The following LRRIQ3 variants were observed in gnomAD, a reference collection of about 807,000 sequenced individuals.
LRRIQ3 encodes the protein leucine-rich repeat and IQ domain-containing protein 3.
In LRRIQ3, 75 loss-of-function variants were observed where a neutral mutation model predicts 59.3. The observed-to-expected ratio is 1.26, with a 90% CI of 1.05 to 1.53. The LOEUF is 1.53. Among genes scored for constraint, LRRIQ3 ranks in the 40% most tolerant of loss-of-function variants. The pLI is 0.00. For missense variants in LRRIQ3, 831 were observed against 710.0 expected, an observed-to-expected ratio of 1.17 and a Z score of -1.94; for synonymous variants, 250 against 231.3, an observed-to-expected ratio of 1.08 and a Z score of -0.73.
Position 74,058,244 on chromosome 1 carries a change from A to T in LRRIQ3, c.998-16311T>A, listed in dbSNP as rs547956140. ...TGGGTGTTCATCCAAAGGAAATGAA[A>T]TTAGTATTCAGAGACATCTGAACTC... On this transcript the variant is annotated intron_variant, in intron 6 of 7. Coordinates refer to ENST00000354431, the MANE Select transcript of LRRIQ3 (RefSeq NM_001105659.2). Among the ~76,000 whole-genome samples, 3 of 152,224 alleles carry T rather than the reference A, an allele frequency of 2.0e-5. No homozygotes were observed. The South Asian group carries it at 6.2e-4, about 32-fold the overall frequency.
chr1:74,197,145 T>G (rs1651229308), intron 1 of LRRIQ3, among the ~76,000 whole-genome samples: 1 of 152,234 alleles, frequency 6.6e-6, no homozygotes, highest in Non-Finnish European at 1.5e-5. Flanking sequence ...ATCTGCCATT[T>G]TATCCAAATG....
At chr1:74,071,030 T>TACAC (rs1443067887) in intron 6 of LRRIQ3, among the ~76,000 whole-genome samples, 1 of 146,210 alleles carries the variant, frequency 6.8e-6, no homozygotes, top group South Asian at 2.2e-4. Context: ...CATATATATA[T>TACAC]ATACACACAC....
At position 74,155,838 on chromosome 1, in the gene LRRIQ3, T is replaced by A; in HGVS notation, c.602A>T (p.Asn201Ile). The change falls in exon 4 of 8, where the codon AAT (asparagine) becomes ATT (isoleucine). Residue 201 changes from asparagine (N) to isoleucine (I), a missense_variant. Asn to Ile is a moderately radical substitution (Grantham distance 149). Transcript: ENST00000354431. ...AATTTTTGAAGTAATATGTTTAATA[T>A]TATTAATTTCCTCTTCATAGGTTGT... The part of the protein sequence containing the change: ...KGTTYEEEIN[N>I]IKHITSKINA... The A allele has an allele frequency of 1.3e-6, 2 of 1,545,262 alleles. No individual in the cohort carries two copies. Among genetic ancestry groups the A allele is most frequent in the Non-Finnish European group, 8.8e-7 (1 of 1,141,892 alleles).
intron 1 of LRRIQ3, among the ~76,000 whole-genome samples, chr1:74,188,301 A>AAATAACTAATGGGC (rs1249020296): frequency 6.6e-5 from 10 of 152,280 alleles, no homozygotes; most frequent in African/African-American, 2.4e-4. Context: ...GGATTAAGAA[A>AAATAACTAATGGGC]AATAACTAAT....
intron 5 of LRRIQ3, among the ~76,000 whole-genome samples, chr1:74,099,090 A>C (rs11210412): frequency 0.82 from 124,179 of 151,976 alleles, 52,653 homozygotes; most frequent in East Asian, 0.97. Flanking sequence ...CACAAAAAAA[A>C]CCTTCAAAAA....
chr1:74,054,474 T>A (rs897084296), intron 6 of LRRIQ3, among the ~76,000 whole-genome samples: 4 of 151,994 alleles, frequency 2.6e-5, no homozygotes, highest in Non-Finnish European at 5.9e-5. Context: ...TCATTGTACG[T>A]TTTTCAAAAC....
rs745492180 is a variant in LRRIQ3 at position 74,041,335 on chromosome 1, T to C, written c.1596A>G (p.Leu532=). Residue 532 remains leucine (L), a synonymous_variant, in exon 7 of 8, where the codon CTA becomes CTG. Transcript: ENST00000354431. ...NNERTLLTRG[L]LKIDRLEKNE... is the part of the protein sequence containing the mutation. ...TCTTCTCCAGTCTGTCAATTTTAAG[T>C]AGTCCTCTGGTCAAAAGAGTGCGCT... The C allele has an allele frequency of 3.0e-5, 49 of 1,613,750 alleles. No individual in the cohort carries two copies. The highest frequency in any genetic ancestry group is 4.0e-5 in the African/African-American group (3 of 74,916).
At chr1:74,137,418 G>C (rs899918500) in intron 4 of LRRIQ3, among the ~76,000 whole-genome samples, 11 of 152,026 alleles carry the variant, frequency 7.2e-5, no homozygotes, top group African/African-American at 2.7e-4. Flanking sequence ...AGTTAGAATG[G>C]CAATCTTTAA....
In LRRIQ3 at chr1:74,198,052, A is replaced by G. The variant is rs180933483; in HGVS notation, c.-57T>C. On this transcript the variant is annotated 5_prime_UTR_variant, in exon 1 of 8. Coordinates refer to ENST00000354431, the MANE Select transcript of LRRIQ3 (RefSeq NM_001105659.2). ...TGGAGACAAGTGGCCCAGCCCCAAC[A>G]CAGTCAGACAAATCGCTGGGCGGCC... 287 of 899,646 alleles carry G rather than the reference A, an allele frequency of 3.2e-4. No homozygotes were observed. In the African/African-American group the frequency reaches 4.4e-3, roughly 14 times the overall value. The allele number at this position is 899,646 out of a possible 1,614,324, so 55.7% of individuals were successfully genotyped here. A position where few individuals can be genotyped will look rare whatever the true frequency, so the allele number is the denominator to read the frequency against.
At chr1:74,080,096 CAT>C (rs1435912360) in intron 5 of LRRIQ3, among the ~76,000 whole-genome samples, 2 of 151,564 alleles carry the variant, frequency 1.3e-5, no homozygotes, top group African/African-American at 2.4e-5. Context: ...TAAACATAAA[CAT>C]GTGGTAAGAA....
At chr1:74,042,421 T>G (rs1654076071) in intron 6 of LRRIQ3, among the ~76,000 whole-genome samples, 1 of 152,096 alleles carries the variant, frequency 6.6e-6, no homozygotes, top group Non-Finnish European at 1.5e-5. Flanking sequence ...TGGTTATGGT[T>G]CAATTTTGCC....
chr1:74,156,242 C>T (rs1057203937), intron 3 of LRRIQ3, among the ~76,000 whole-genome samples: 8 of 152,080 alleles, frequency 5.3e-5, no homozygotes, highest in African/African-American at 1.9e-4. Flanking sequence ...GCCTGCCTCC[C>T]ATTCACCTTC....
intron 1 of LRRIQ3, among the ~76,000 whole-genome samples, chr1:74,186,605 T>TC: frequency 6.6e-6 from 1 of 152,300 alleles, no homozygotes; most frequent in South Asian, 2.1e-4. Context: ...ATAAGGGAAT[T>TC]GGTATGATTG....
In LRRIQ3 at chr1:74,100,524, T is replaced by C. The variant is rs898486212; in HGVS notation, c.867+8870A>G. 1.4e-3 allele frequency among the ~76,000 whole-genome samples: 209 copies of C among 151,970 alleles called. 2 individuals are homozygous for C. Among genetic ancestry groups the C allele is most frequent in the Non-Finnish European group, 3.8e-4 (26 of 67,970 alleles). Reference sequence around the variant, plus strand: ...TTCAATGCCATCCCCATAAAGCTACTAATGACTTTCTTCACAGAATTGGAA... The same window carrying C: ...TTCAATGCCATCCCCATAAAGCTACCAATGACTTTCTTCACAGAATTGGAA... On this transcript the variant is annotated intron_variant, in intron 5 of 7. Transcript: ENST00000354431.
intron 4 of LRRIQ3, among the ~76,000 whole-genome samples, chr1:74,139,602 A>AT (rs1647195257): frequency 6.6e-6 from 1 of 151,916 alleles, no homozygotes; most frequent in African/African-American, 2.4e-5. Context: ...TTTATTCCAC[A>AT]TAACTGTAGA....
Position 74,041,258 on chromosome 1 carries a change from G to A in LRRIQ3, c.1673C>T (p.Ala558Val), listed in dbSNP as rs79435376. The change falls in exon 7 of 8, where the codon GCA becomes GTA. Residue 558 changes from alanine to valine, a missense_variant. Coordinates refer to ENST00000354431, the MANE Select transcript of LRRIQ3 (RefSeq NM_001105659.2). ...AAGTAAATTCTTTCTATATTTTTCTGCTTTTAGTTTTTGCTTAACAATCAG... is the reference window on the plus strand; with the variant it reads ...AAGTAAATTCTTTCTATATTTTTCTACTTTTAGTTTTTGCTTAACAATCAG... ...KSLIVKQKLKAEKYRKNLLKE... is the reference protein window; with the variant it reads ...KSLIVKQKLKVEKYRKNLLKE... 69,279 of 1,591,700 alleles carry A rather than the reference G, an allele frequency of 0.044. 1,949 individuals are homozygous for A. The highest frequency in any genetic ancestry group is 0.12 in the South Asian group (10,343 of 85,434).
In LRRIQ3 at chr1:74,028,385, G is replaced by T. The variant is rs138502075; in HGVS notation, c.1719-1416C>A. On this transcript the variant is annotated intron_variant, in intron 7 of 7. Coordinates refer to ENST00000354431, the MANE Select transcript of LRRIQ3 (RefSeq NM_001105659.2). The stretch of plus-strand genomic sequence containing the variant: ...GTTAAGGAGATAACCTAACTCATAG[G>T]GTTAGTAAAGGACTAAGTGGGTTGA... 2.9e-3 allele frequency among the ~76,000 whole-genome samples: 440 copies of T among 152,096 alleles called. 1 individual carries two copies. The highest frequency in any genetic ancestry group is 0.01 in the African/African-American group (420 of 41,530).
At chr1:74,094,739 G>A (rs1047714836) in intron 5 of LRRIQ3, among the ~76,000 whole-genome samples, 2 of 152,066 alleles carry the variant, frequency 1.3e-5, no homozygotes, top group Non-Finnish European at 2.9e-5. Context: ...GAGGAAGAGA[G>A]ATATGATAGA....
intron 4 of LRRIQ3, among the ~76,000 whole-genome samples, chr1:74,122,262 T>C (rs1328918102): frequency 6.6e-6 from 1 of 152,182 alleles, no homozygotes; most frequent in East Asian, 1.9e-4. Flanking sequence ...CCTGACTTTT[T>C]AATGATCGCT....
Sources: gnomAD v4.1 joint callset for allele counts (sites outside exome capture counted in the v4.1 genomes callset) on GRCh38, gnomAD v4.1.1 for gene constraint, MANE v1.5 for transcripts, NCBI Gene and HGNC (gene_info 2026-07-23, HGNC 2026-07-21) for gene names.